OSBP2: variants seen among roughly 807,000 people sequenced by gnomAD.
The protein encoded by OSBP2 is oxysterol-binding protein 2.
OSBP2 carries 66 observed loss-of-function variants against 96.0 expected under a neutral mutation model. The ratio of observed to expected loss-of-function variants is 0.69; its 90% CI spans 0.56 to 0.84. The LOEUF is 0.84. OSBP2 is among the 40% of genes least tolerant of loss of function. The pLI is 0.00. For synonymous variants in OSBP2, 525 were observed against 520.9 expected, an observed-to-expected ratio of 1.01 and a Z score of -0.11; for missense variants, 1,038 against 1,222.7, an observed-to-expected ratio of 0.85 and a Z score of 2.25.
At chr22:30,794,839 T>C (rs1049718038) in intron 2 of OSBP2, among the ~76,000 whole-genome samples, 5 of 152,020 alleles carry the variant, frequency 3.3e-5, no homozygotes, top group Non-Finnish European at 7.4e-5. Context: ...TGTTATTTTA[T>C]GTTTTATTCA....
chr22:30,699,697 C>T (rs1394250115), intron 1 of OSBP2, among the ~76,000 whole-genome samples: 1 of 152,136 alleles, frequency 6.6e-6, no homozygotes, highest in East Asian at 1.9e-4. Context: ...AAAATTTCTC[C>T]TTTCAATGTC....
rs563192105 is a variant in OSBP2, at chr22:30,757,043, C to T, written c.853+15674C>T. Among the ~76,000 whole-genome samples the T allele has an allele frequency of 2.0e-5, 3 of 150,286 alleles. No homozygotes were observed. The South Asian group carries it at 6.2e-4, about 31-fold the overall frequency. ...ACGCAGGGTATCTGCTGTGCGTTGACACCTCCCAGCCAGGCAGACCACACT... is the reference window on the plus strand; with the variant it reads ...ACGCAGGGTATCTGCTGTGCGTTGATACCTCCCAGCCAGGCAGACCACACT... On this transcript the variant is annotated intron_variant, in intron 2 of 13. Transcript: ENST00000332585.
intron 2 of OSBP2, among the ~76,000 whole-genome samples, chr22:30,809,347 T>G (rs4444): frequency 6.6e-6 from 1 of 151,968 alleles, no homozygotes; most frequent in Non-Finnish European, 1.5e-5. Flanking sequence ...TGGTGAGTAC[T>G]GCGAGAAATC....
chr22:30,900,897 T>A (rs1294540171), intron 12 of OSBP2, among the ~76,000 whole-genome samples: 1 of 152,228 alleles, frequency 6.6e-6, no homozygotes, highest in African/African-American at 2.4e-5. Flanking sequence ...AAAATACTTT[T>A]GTTCATTGAG....
rs1003980492 is a variant in OSBP2, at chr22:30,907,647, A to G, written c.*1308A>G. On this transcript the variant is annotated 3_prime_UTR_variant, in exon 14 of 14. Coordinates refer to ENST00000332585, the MANE Select transcript of OSBP2 (RefSeq NM_030758.4). ...TTTATATATATAAAAAAAAAAAGTG[A>G]AAACACCAATGTGTGAAATGCCTTA... 1.3e-5 allele frequency: 2 copies of G among 152,390 alleles called. No individual in the cohort carries two copies. Among genetic ancestry groups the G allele is most frequent in the East Asian group, 3.9e-4 (2 of 5,178 alleles). 9.4% of individuals were successfully genotyped at this position (152,390 alleles called of 1,614,324 possible).
chr22:30,890,855 C>G lies in OSBP2; in HGVS notation c.1751C>G (p.Ser584Cys). 6.2e-7 allele frequency: 1 copy of G among 1,613,876 alleles called. No individual in the cohort carries two copies. The highest frequency in any genetic ancestry group is 8.5e-7 in the Non-Finnish European group (1 of 1,180,044). ...CAGATGTGCCTGGTGGCCGCCTTCT[C>G]TGTGTCCTCCTACTCCACCACAGTG... The part of the protein sequence containing the change: ...VEQMCLVAAF[S>C]VSSYSTTVHR... Residue 584 changes from serine to cysteine, a missense_variant, in exon 8 of 14, where the codon TCT becomes TGT. By Grantham distance (112) the Ser-to-Cys change is moderately radical (BLOSUM62 -1). Around this residue, in one of 3 missense-constraint regions of OSBP2, gnomAD observed 737 missense variants for 913.3 expected, o/e 0.81. Coordinates refer to ENST00000332585, the MANE Select transcript of OSBP2 (RefSeq NM_030758.4). This position sits in a 1 kb window ranked among gnomAD's most constrained non-coding sequence, Gnocchi z 4.4.
intron 12 of OSBP2, among the ~76,000 whole-genome samples, chr22:30,903,968 T>C (rs867525703): frequency 1.3e-5 from 2 of 152,334 alleles, no homozygotes; most frequent in Middle Eastern, 3.4e-3. Flanking sequence ...TGAGGCTGCA[T>C]CTTGGGGACA....
chr22:30,901,350 A>G (rs903258443), intron 12 of OSBP2, among the ~76,000 whole-genome samples: 1 of 152,160 alleles, frequency 6.6e-6, no homozygotes, highest in Non-Finnish European at 1.5e-5. Context: ...ATTACAGGCA[A>G]AAGCCACCAT....
chr22:30,811,986 C>T (rs1360082268), intron 2 of OSBP2, among the ~76,000 whole-genome samples: 1 of 150,992 alleles, frequency 6.6e-6, no homozygotes, highest in East Asian at 2.0e-4. Context: ...CTCCGAAGTA[C>T]CTAGAACTAC....
At chr22:30,768,197 G>A (rs962802021) in intron 2 of OSBP2, among the ~76,000 whole-genome samples, 1 of 152,144 alleles carries the variant, frequency 6.6e-6, no homozygotes, top group Non-Finnish European at 1.5e-5. Context: ...TTTTCACCCT[G>A]GGGGTGACAG....
At chr22:30,728,178 C>T (rs80200180) in intron 1 of OSBP2, among the ~76,000 whole-genome samples, 6 of 151,990 alleles carry the variant, frequency 3.9e-5, no homozygotes, top group East Asian at 1.9e-4. Context: ...GGGCGGATCA[C>T]GAGGTCAGGA....
chr22:30,870,975 C>A lies in OSBP2; in HGVS notation c.1107+293C>A, dbSNP rs946669676. On this transcript the variant is annotated intron_variant, in intron 3 of 13. Transcript: ENST00000332585. This position sits in a 1 kb window ranked among gnomAD's most constrained non-coding sequence, Gnocchi z 4.1. ...CATGCCTCGATAAGGAAGGTCGGGG[C>A]CCCAAGTTAAGTAGCTAGCCCAGCA... Among the ~76,000 whole-genome samples, 1 of 152,218 alleles carries A rather than the reference C, an allele frequency of 6.6e-6. No homozygotes were observed. The highest frequency in any genetic ancestry group is 2.4e-5 in the African/African-American group (1 of 41,522).
intron 3 of OSBP2, among the ~76,000 whole-genome samples, chr22:30,887,089 C>T (rs1011899523): frequency 6.6e-6 from 1 of 152,182 alleles, no homozygotes; most frequent in Non-Finnish European, 1.5e-5. Context: ...TAGAGGATGA[C>T]TTCCTGATGT....
intron 2 of OSBP2, among the ~76,000 whole-genome samples, chr22:30,841,490 C>T (rs2038752610): frequency 6.6e-6 from 1 of 152,196 alleles, no homozygotes; most frequent in African/African-American, 2.4e-5. Context: ...CTACATGTAT[C>T]AGTACTTCTC....
At position 30,880,343 on chromosome 22, in the gene OSBP2, GA is replaced by G. The variant is rs538180295; in HGVS notation, c.1108-7082del. ...CCAGAGCCAGAGGGCAGACACGTCA[GA>G]TGCCTGGCAGGTCCTGGACCAGCCG... On this transcript the variant is annotated intron_variant, in intron 3 of 13. Transcript: ENST00000332585. Among the ~76,000 whole-genome samples, 182 of 152,354 alleles carry G rather than the reference GA, an allele frequency of 1.2e-3. 1 individual carries two copies. The highest frequency in any genetic ancestry group is 0.01 in the Middle Eastern group (3 of 294).
Position 30,905,897 on chromosome 22 carries a change from G to A in OSBP2, c.2436G>A (p.Glu812=). The A allele has an allele frequency of 1.2e-6, 2 of 1,613,264 alleles. No individual in the cohort carries two copies. The highest frequency in any genetic ancestry group is 1.7e-6 in the Non-Finnish European group (2 of 1,179,710). The change falls in exon 13 of 14, where the codon GAG becomes GAA. Residue 812 remains glutamate, a synonymous_variant. Coordinates refer to ENST00000332585, the MANE Select transcript of OSBP2 (RefSeq NM_030758.4). ...TGGCCCTGACCCTCAACGAGCACGAGGAGGGCGTAGCGCCAACCGACAGCC... is the reference window on the plus strand; with the variant it reads ...TGGCCCTGACCCTCAACGAGCACGAAGAGGGCGTAGCGCCAACCGACAGCC... ...SELALTLNEH[E]EGVAPTDSRL...
At chr22:30,802,800 G>C (rs1048150500) in intron 2 of OSBP2, among the ~76,000 whole-genome samples, 2 of 152,232 alleles carry the variant, frequency 1.3e-5, no homozygotes, top group African/African-American at 2.4e-5. Context: ...CTCGGGCGGT[G>C]GGGAGGAGGC....
At chr22:30,827,127 G>A (rs945662758) in intron 2 of OSBP2, among the ~76,000 whole-genome samples, 16 of 152,164 alleles carry the variant, frequency 1.1e-4, no homozygotes, top group South Asian at 4.1e-4. Flanking sequence ...AGGTTTCAGC[G>A]AGGTGTCAGG....
intron 2 of OSBP2, among the ~76,000 whole-genome samples, chr22:30,843,453 C>CGA (rs59462860): frequency 2.0e-5 from 3 of 148,314 alleles, no homozygotes; most frequent in African/African-American, 7.6e-5. Context: ...TTCCCCCCTC[C>CGA]CCCTTGAGCA....
Sources: gnomAD v4.1 joint callset for allele counts (sites outside exome capture counted in the v4.1 genomes callset) on GRCh38, gnomAD v4.1.1 for gene constraint, gnomAD v4.1.1 regional missense constraint, Gnocchi (gnomAD v3.1) non-coding constraint, MANE v1.5 for transcripts, NCBI Gene and HGNC (gene_info 2026-07-23, HGNC 2026-07-21) for gene names.